Variants in MYOM3 observed in about 807,000 individuals in gnomAD.
The protein encoded by MYOM3 is myomesin-3.
In MYOM3, 155 loss-of-function variants were observed where a neutral mutation model predicts 191.7. The ratio of observed to expected loss-of-function variants is 0.81; its 90% confidence interval spans 0.71 to 0.92. The LOEUF (loss-of-function observed/expected upper bound fraction) is 0.92, where lower values mean the gene tolerates loss of function less well. Among genes scored for constraint, MYOM3 ranks in the 40% least tolerant of loss-of-function variants. The probability of loss-of-function intolerance (pLI) is 0.00; values close to 1 mark genes in which losing one functional copy is unlikely to be tolerated. For missense variants in MYOM3, 1,889 were observed against 1,890.6 expected (o/e 1.00, Z 0.02); for synonymous variants, 757 against 762.9 (o/e 0.99, Z 0.13).
intron 25 of MYOM3, among the ~76,000 whole-genome samples, chr1:24,070,125 A>T (rs912616907): frequency 1.3e-5 from 2 of 152,350 alleles, no homozygotes; most frequent in South Asian, 4.1e-4. Flanking sequence ...ATAAAGAAGA[A>T]ATAAGTCGTT....
At chr1:24,061,012 T>G in intron 35 of MYOM3, 48 bp downstream of exon 35, 1 of 1,611,478 alleles carries the variant, frequency 6.2e-7, no homozygotes, top group Admixed American at 1.7e-5. Context: ...TCCAGGAAGT[T>G]TGCCCCAAAT....
chr1:24,057,587 G>C lies in MYOM3; in HGVS notation c.4091C>G (p.Pro1364Arg). The change falls in exon 37 of 37, where the codon CCT (proline) becomes CGT (arginine). Residue 1364 changes from proline (P) to arginine (R), a missense_variant. Physicochemically the swap from Pro to Arg is moderately radical, Grantham distance 103. Coordinates refer to ENST00000374434, the MANE Select transcript of MYOM3 (RefSeq NM_152372.4). ...LTCIVSGDPT[P>R]EISWLKNDQP... ...GTCATTCTTCAGCCAAGAGATTTCA[G>C]GGGTGGGGTCTCCTGAGACGATGCA... The C allele has an allele frequency of 6.2e-7, 1 of 1,614,174 alleles. No homozygotes were observed. The highest frequency in any genetic ancestry group is 8.5e-7 in the Non-Finnish European group (1 of 1,180,016).
chr1:24,069,890 C>A (rs1262931429), intron 25 of MYOM3, among the ~76,000 whole-genome samples: 1 of 149,740 alleles, frequency 6.7e-6, no homozygotes, highest in Non-Finnish European at 1.5e-5. Flanking sequence ...GGATTTCAGG[C>A]ATGGGCACCC....
intron 8 of MYOM3, 98 bp downstream of exon 8, chr1:24,095,344 G>A: frequency 8.4e-7 from 1 of 1,191,512 alleles, no homozygotes; most frequent in East Asian, 2.4e-5. Context: ...GTCCTTTTAT[G>A]GGCAGGGGAT....
rs199604113 is a variant in MYOM3 at position 24,107,162 on chromosome 1, C to T, written c.313G>A (p.Gly105Ser). Residue 105 changes from glycine (G) to serine (S), a missense_variant, in exon 4 of 37, where the codon GGC becomes AGC. Transcript: ENST00000374434. ...EERGQKRVGF[G>S]NDWERTEIAF... ...ATCTCAGTCCTCTCCCAGTCATTGC[C>T]GAAGCCCACCCGCTTCTGCCCTCGC... 1.9e-4 allele frequency: 307 copies of T among 1,611,916 alleles called. 2 individuals carry two copies. Among genetic ancestry groups the T allele is most frequent in the South Asian group, 1.3e-3 (118 of 90,272 alleles).
Position 24,090,092 on chromosome 1 carries a change from T to C in MYOM3, c.1459A>G (p.Ile487Val), listed in dbSNP as rs766117959. The change falls in exon 13 of 37, where the codon ATC becomes GTC. Residue 487 changes from isoleucine (I) to valine (V), a missense_variant. Coordinates refer to ENST00000374434, the MANE Select transcript of MYOM3 (RefSeq NM_152372.4). ...TEIPFDLGNK[I>V]TISTDAFEDT... ...TCAAAAGCGTCTGTGCTGATGGTGATCTTGTTTCCCAGATCAAAGGGGATC... is the reference window on the plus strand; with the variant it reads ...TCAAAAGCGTCTGTGCTGATGGTGACCTTGTTTCCCAGATCAAAGGGGATC... The C allele has an allele frequency of 6.2e-7, 1 of 1,614,100 alleles. No homozygotes were observed. The highest frequency in any genetic ancestry group is 8.5e-7 in the Non-Finnish European group (1 of 1,179,962).
rs1644040577 is a variant in MYOM3 at position 24,111,877 on chromosome 1, A to G, written c.-19+154T>C. The stretch of plus-strand genomic sequence containing the variant: ...TTCACTTGGGTGCTGCCTCAGCACA[A>G]ATTTCCCAGGCTCCTTTCACAACAC... On this transcript the variant is annotated intron_variant, in intron 1 of 36. Coordinates refer to ENST00000374434, the MANE Select transcript of MYOM3 (RefSeq NM_152372.4). The surrounding 1 kb of genome is among the most constrained non-coding windows in gnomAD (Gnocchi z 4.7). 4.0e-5 allele frequency among the ~76,000 whole-genome samples: 6 copies of G among 151,894 alleles called. No individual in the cohort carries two copies. The highest frequency in any genetic ancestry group is 3.9e-4 in the Admixed American group (6 of 15,238).
chr1:24,108,662 G>A lies in MYOM3; in HGVS notation c.-18-8C>T. Reference sequence around the variant, plus strand: ...GGTTACGAGAGCAACAACCTGTGAAGGCCAAGGTCCACGGTCATTCCACCA... The same window carrying A: ...GGTTACGAGAGCAACAACCTGTGAAAGCCAAGGTCCACGGTCATTCCACCA... On this transcript the variant is annotated splice_region_variant and splice_polypyrimidine_tract_variant and intron_variant, in intron 1 of 36. Coordinates refer to ENST00000374434, the MANE Select transcript of MYOM3 (RefSeq NM_152372.4). The A allele has an allele frequency of 6.5e-7, 1 of 1,529,862 alleles. No individual in the cohort carries two copies. The highest frequency in any genetic ancestry group is 8.8e-7 in the Non-Finnish European group (1 of 1,140,494). The allele number at this position is 1,529,862 out of a possible 1,614,324, so 94.8% of individuals were successfully genotyped here.
rs57959155 is a variant in MYOM3 at position 24,095,297 on chromosome 1, G to T, written c.790+145C>A. On this transcript the variant is annotated intron_variant, in intron 8 of 36. Transcript: ENST00000374434. Reference sequence around the variant, plus strand: ...ACCCTGCGGCCTTTAGAAGTCAGGTGCAGGTATTACCAGCTCATAGACAAA... The same window carrying T: ...ACCCTGCGGCCTTTAGAAGTCAGGTTCAGGTATTACCAGCTCATAGACAAA... 4,790 of 795,258 alleles carry T rather than the reference G, an allele frequency of 6.0e-3. 139 individuals carry two copies. The African/African-American group carries it at 0.068, about 11-fold the overall frequency. 49.3% of individuals were successfully genotyped at this position (795,258 alleles called of 1,614,324 possible).
chr1:24,094,922 G>A lies in MYOM3; in HGVS notation c.859C>T (p.Pro287Ser). ...LKPVFAREKE[P>S]FSLSCLFSED... is the part of the protein sequence containing the mutation. ...GAAAACAAGCATGACAGGGAGAAGGGTTCCTTCTCACGAGCAAAGACTGGC... is the reference window on the plus strand; with the variant it reads ...GAAAACAAGCATGACAGGGAGAAGGATTCCTTCTCACGAGCAAAGACTGGC... Residue 287 changes from proline to serine, a missense_variant, in exon 9 of 37, where the codon CCC (proline) becomes TCC (serine). Transcript: ENST00000374434. The A allele has an allele frequency of 6.2e-7, 1 of 1,613,412 alleles. No individual in the cohort carries two copies. Among genetic ancestry groups the A allele is most frequent in the South Asian group, 1.1e-5 (1 of 91,056 alleles).
In MYOM3 at chr1:24,090,987, G is replaced by A. The variant is rs747940294; in HGVS notation, c.1242C>T (p.Gly414=). 39 of 1,613,568 alleles carry A rather than the reference G, an allele frequency of 2.4e-5. No individual in the cohort carries two copies. Among genetic ancestry groups the A allele is most frequent in the Middle Eastern group, 1.6e-4 (1 of 6,082 alleles). The change falls in exon 12 of 37, where the codon GGC becomes GGT. Residue 414 remains glycine (G), a synonymous_variant. Transcript: ENST00000374434. ...ITAYTIERCQ[G]ESGEWIACHE... is the part of the protein sequence containing the mutation. Reference sequence around the variant, plus strand: ...GGCAGGCGATCCATTCCCCAGACTCGCCCTGGCACCTGTTGGAGACAGGCC... The same window carrying A: ...GGCAGGCGATCCATTCCCCAGACTCACCCTGGCACCTGTTGGAGACAGGCC...
rs202157618 is a variant in MYOM3 at position 24,057,541 on chromosome 1, G to A, written c.4137C>T (p.Asp1379=). Residue 1379 remains aspartate (D), a synonymous_variant, in exon 37 of 37, where the codon GAC becomes GAT. Transcript: ENST00000374434. The part of the protein sequence containing the change: ...LKNDQPVTFL[D]RYRMEVRGTE... ...TCCCCCTCACTTCCATGCGGTATCG[G>A]TCAAGGAAGGTGACAGGCTGGTCAT... is the stretch of plus-strand genomic sequence containing the variant. The A allele has an allele frequency of 2.5e-6, 4 of 1,614,140 alleles. No individual in the cohort carries two copies. In the South Asian group the frequency reaches 3.3e-5, roughly 13 times the overall value.
rs761853807 is a variant in MYOM3 at position 24,067,348 on chromosome 1, CTT to C, written c.3356-262_3356-261del. ...TCCTTCTTTCTTTCTTTCTTTCTTT[CTT>C]TCTTTCTTTCTTTCTTTCTTTCCTT... On this transcript the variant is annotated intron_variant, in intron 27 of 36. Transcript: ENST00000374434. Among the ~76,000 whole-genome samples the C allele has an allele frequency of 6.4e-4, 47 of 73,094 alleles. 1 individual carries two copies. The highest frequency in any genetic ancestry group is 1.0e-3 in the African/African-American group (20 of 19,188). 48.0% of individuals were successfully genotyped at this position (73,094 alleles called of 152,430 possible). A position where few individuals can be genotyped will look rare whatever the true frequency, so the allele number is the denominator to read the frequency against.
intron 1 of MYOM3, among the ~76,000 whole-genome samples, chr1:24,110,636 A>G (rs2148564296): frequency 6.6e-6 from 1 of 152,112 alleles, no homozygotes; most frequent in Middle Eastern, 3.4e-3. Flanking sequence ...AAGAGAATGG[A>G]TGGCTGCAGG....
chr1:24,084,406 C>A (rs781090156), intron 16 of MYOM3, 62 bp downstream of exon 16: 1 of 1,557,674 alleles, frequency 6.4e-7, no homozygotes, highest in Non-Finnish European at 8.9e-7. Flanking sequence ...AAGAAATTAC[C>A]CAGTCTCAGG....
At chr1:24,091,448 C>A (rs1345306228) in intron 11 of MYOM3, among the ~76,000 whole-genome samples, 1 of 152,162 alleles carries the variant, frequency 6.6e-6, no homozygotes, top group Non-Finnish European at 1.5e-5. Context: ...GCTCTCTGTA[C>A]CCTCTTGGTA....
At chr1:24,089,394 C>T in intron 14 of MYOM3, 144 bp downstream of exon 14, 3 of 1,069,462 alleles carry the variant, frequency 2.8e-6, no homozygotes, top group Non-Finnish European at 3.8e-6. Context: ...ATCCCCTTGC[C>T]TCTGTGTAGG....
At chr1:24,067,394 C>CTTT (rs750994689) in intron 27 of MYOM3, among the ~76,000 whole-genome samples, 2,282 of 34,610 alleles carry the variant, frequency 0.066, 77 homozygotes, top group Admixed American at 0.11. Context: ...CTTTTTCCTT[C>CTTT]CTTCCTTCCT....
chr1:24,094,948 T>C lies in MYOM3; in HGVS notation c.833A>G (p.Lys278Arg). ...GPSVEFTSVL[K>R]PVFAREKEPF... ...TTCCTTCTCACGAGCAAAGACTGGC[T>C]TCAGCACCGAGGTGAATTCCACGCT... The change falls in exon 9 of 37, where the codon AAG (lysine) becomes AGG (arginine). Residue 278 changes from lysine to arginine, a missense_variant. Coordinates refer to ENST00000374434, the MANE Select transcript of MYOM3 (RefSeq NM_152372.4). 6.2e-7 allele frequency: 1 copy of C among 1,614,044 alleles called. No individual in the cohort carries two copies. Among genetic ancestry groups the C allele is most frequent in the African/African-American group, 1.3e-5 (1 of 75,044 alleles).
Sources: gnomAD v4.1 joint callset for allele counts (sites outside exome capture counted in the v4.1 genomes callset) on GRCh38, gnomAD v4.1.1 for gene constraint, Gnocchi (gnomAD v3.1) non-coding constraint, MANE v1.5 for transcripts, NCBI Gene and HGNC (gene_info 2026-07-23, HGNC 2026-07-21) for gene names.